The following CENPN variants were observed in gnomAD, a reference collection of about 807,000 sequenced individuals.
CENPN encodes the protein interphase centromere complex protein 32.
CENPN carries 36 observed loss-of-function variants against 48.6 expected under a neutral mutation model. The ratio of observed to expected loss-of-function variants is 0.74; its 90% CI spans 0.57 to 0.98. CENPN has a LOEUF of 0.98. Ranked by LOEUF, CENPN falls within the 50% of genes least tolerant of loss-of-function variation. The probability of loss-of-function intolerance (pLI) is 0.00; values close to 1 mark genes in which losing one functional copy is unlikely to be tolerated. For missense variants in CENPN, 439 were observed against 399.2 expected, an observed-to-expected ratio of 1.10 and a Z score of -0.85; for synonymous variants, 166 against 135.2, an observed-to-expected ratio of 1.23 and a Z score of -1.58.
rs942140005 is a variant in CENPN at position 81,011,999 on chromosome 16, A to G, written c.60A>G (p.Glu20=). Residue 20 remains glutamate, a synonymous_variant, in exon 2 of 11, where the codon GAA becomes GAG. Transcript: ENST00000305850. ...KRTILKIPMN[E]LTTILKAWDF... ...CCATCTTGAAAATCCCCATGAATGA[A>G]CTGACAACAATCCTGAAGGCCTGGG... 60 of 1,613,986 alleles carry G rather than the reference A, an allele frequency of 3.7e-5. No homozygotes were observed. The Admixed American group carries it at 5.3e-4, about 14-fold the overall frequency.
intron 10 of CENPN, 103 bp downstream of exon 10, chr16:81,028,400 C>G: frequency 6.7e-7 from 1 of 1,499,726 alleles, no homozygotes; most frequent in Non-Finnish European, 9.2e-7. Flanking sequence ...TCACCCTAGT[C>G]TGCTAGCCCA....
Position 81,023,401 on chromosome 16 carries a change from T to C in CENPN, c.633+703T>C, listed in dbSNP as rs551049082. 3.3e-3 allele frequency: 517 copies of C among 156,368 alleles called. 1 individual carries two copies. The highest frequency in any genetic ancestry group is 5.7e-3 in the Non-Finnish European group (401 of 70,838). 9.7% of individuals were successfully genotyped at this position (156,368 alleles called of 1,614,324 possible). On this transcript the variant is annotated intron_variant, in intron 7 of 10. Coordinates refer to ENST00000305850, the MANE Select transcript of CENPN (RefSeq NM_001100624.3). ...AGGAAAAACTAACATTAAGAAGTTA[T>C]ATCATGAGGCCAGGCACAGTGGTTC...
chr16:81,013,646 G>T (rs986833715), intron 2 of CENPN, among the ~76,000 whole-genome samples: 2 of 152,114 alleles, frequency 1.3e-5, no homozygotes, highest in Admixed American at 6.6e-5. Flanking sequence ...ACTTGAAACT[G>T]GGAGACAAAG....
At chr16:81,024,634 A>G in intron 7 of CENPN, 81 bp from the exon 8 acceptor site, 1 of 887,244 alleles carries the variant, frequency 1.1e-6, no homozygotes, top group South Asian at 1.6e-5. Flanking sequence ...CATTTGACAT[A>G]CTTTAATATA....
At chr16:81,032,848 C>G, downstream of CENPN, 1 of 787,034 alleles carries the variant, frequency 1.3e-6, no homozygotes, top group East Asian at 2.7e-5. Flanking sequence ...CTTGGATGTG[C>G]ACTGACTTGA....
At chr16:81,032,171 G>C (rs1970802627), downstream of CENPN, among the ~76,000 whole-genome samples, 1 of 152,132 alleles carries the variant, frequency 6.6e-6, no homozygotes, top group African/African-American at 2.4e-5. Context: ...CTTACTAAAA[G>C]AAACACAGTT....
In CENPN at chr16:81,012,074, G is replaced by C; in HGVS notation, c.135G>C (p.Lys45Asn). 2 of 1,614,132 alleles carry C rather than the reference G, an allele frequency of 1.2e-6. No individual in the cohort carries two copies. The highest frequency in any genetic ancestry group is 8.5e-7 in the Non-Finnish European group (1 of 1,180,010). The change falls in exon 2 of 11, where the codon AAG becomes AAC. Residue 45 changes from lysine to asparagine, a missense_variant. Coordinates refer to ENST00000305850, the MANE Select transcript of CENPN (RefSeq NM_001100624.3). ...AGACTGTAAATTTCCGACAGAGAAAGGAATCTGTAGTTCAGCACTTGATCC... is the reference window on the plus strand; with the variant it reads ...AGACTGTAAATTTCCGACAGAGAAACGAATCTGTAGTTCAGCACTTGATCC... ...QLQTVNFRQR[K>N]ESVVQHLIHL... is the part of the protein sequence containing the mutation.
At chr16:81,015,971 C>T (rs1413731195) in intron 3 of CENPN, among the ~76,000 whole-genome samples, 2 of 150,114 alleles carry the variant, frequency 1.3e-5, no homozygotes, top group East Asian at 2.0e-4. Context: ...CACCACTGCA[C>T]TCCAGCCTGG....
chr16:81,017,491 C>G (rs993100370), intron 4 of CENPN, 106 bp downstream of exon 4: 2 of 773,668 alleles, frequency 2.6e-6, no homozygotes, highest in African/African-American at 3.5e-5. Context: ...GCCTGGGTAA[C>G]AGAGCAAGAC....
chr16:81,029,765 G>A lies in CENPN; in HGVS notation c.*1114G>A, dbSNP rs534760866. On this transcript the variant is annotated 3_prime_UTR_variant, in exon 11 of 11. Transcript: ENST00000305850. ...AATTTTTGTATTTTTAGTAGAGACA[G>A]GGTTTCTCCATGTTGCCCAGGCTGA... is the stretch of plus-strand genomic sequence containing the variant. 1.4e-4 allele frequency among the ~76,000 whole-genome samples: 21 copies of A among 152,208 alleles called. No homozygotes were observed. Among genetic ancestry groups the A allele is most frequent in the African/African-American group, 5.1e-4 (21 of 41,520 alleles).
intron 8 of CENPN, among the ~76,000 whole-genome samples, chr16:81,025,895 A>C (rs1456199423): frequency 2.0e-5 from 3 of 150,806 alleles, no homozygotes; most frequent in Non-Finnish European, 4.4e-5. Context: ...TAGACATGGG[A>C]TTTCACTATG....
chr16:81,028,766 TATTGA>T lies in CENPN; in HGVS notation c.*119_*123del. ...AACTTGTATTTTCAAGAATCCTTGG[TATTGA>T]ATTTTTAGAAATGCTCACATAATTG... On this transcript the variant is annotated 3_prime_UTR_variant, in exon 11 of 11. Transcript: ENST00000305850. 6.8e-7 allele frequency: 1 copy of T among 1,463,004 alleles called. No individual in the cohort carries two copies. The highest frequency in any genetic ancestry group is 9.0e-7 in the Non-Finnish European group (1 of 1,111,600). 90.6% of individuals were successfully genotyped at this position (1,463,004 alleles called of 1,614,324 possible).
At chr16:81,018,859 G>A (rs1388747940) in intron 5 of CENPN, among the ~76,000 whole-genome samples, 2 of 152,202 alleles carry the variant, frequency 1.3e-5, no homozygotes, top group East Asian at 3.9e-4. Flanking sequence ...TCAGAGGGAG[G>A]AAACAGAGAC....
At chr16:81,026,141 A>G (rs2911156) in intron 8 of CENPN, among the ~76,000 whole-genome samples, 129,615 of 144,410 alleles carry the variant, frequency 0.9, 58,701 homozygotes, top group East Asian at 0.97. Flanking sequence ...GTATATATAT[A>G]TGTATATATA....
At chr16:81,032,648 A>C (rs767520756), downstream of CENPN, 5 of 1,613,794 alleles carry the variant, frequency 3.1e-6, no homozygotes, top group African/African-American at 1.3e-5. Flanking sequence ...AGCAGCTGGC[A>C]GAAGGACTTG....
chr16:81,032,024 C>A (rs1014134558), downstream of CENPN, among the ~76,000 whole-genome samples: 23 of 152,252 alleles, frequency 1.5e-4, no homozygotes, highest in African/African-American at 5.3e-4. Context: ...CTTTGGCATG[C>A]TGGATGCTTT....
rs1479194409 is a variant in CENPN at position 81,028,683 on chromosome 16, C to T, written c.*32C>T. The stretch of plus-strand genomic sequence containing the variant: ...CGTGGTTTCTTAAGCACAGCTCCTC[C>T]TTCTTGATATTGCACATGCACTTCA... On this transcript the variant is annotated 3_prime_UTR_variant, in exon 11 of 11. Transcript: ENST00000305850. 1.9e-6 allele frequency: 3 copies of T among 1,596,620 alleles called. No homozygotes were observed. The South Asian group carries it at 3.4e-5, about 18-fold the overall frequency.
rs771252295 is a variant in CENPN at position 81,012,089 on chromosome 16, G to C, written c.150G>C (p.Gln50His). The C allele has an allele frequency of 6.2e-6, 10 of 1,614,000 alleles. No homozygotes were observed. In the South Asian group the frequency reaches 8.8e-5, roughly 14 times the overall value. ...NFRQRKESVV[Q>H]HLIHLCEEKR... ...GACAGAGAAAGGAATCTGTAGTTCAGCACTTGATCCATCTGTGTGAGGTAA... is the reference window on the plus strand; with the variant it reads ...GACAGAGAAAGGAATCTGTAGTTCACCACTTGATCCATCTGTGTGAGGTAA... Residue 50 changes from glutamine to histidine, a missense_variant, in exon 2 of 11, where the codon CAG becomes CAC. Gln to His is a conservative substitution (Grantham distance 24). Coordinates refer to ENST00000305850, the MANE Select transcript of CENPN (RefSeq NM_001100624.3).
chr16:81,023,284 T>C, intron 7 of CENPN: 1 of 186,082 alleles, frequency 5.4e-6, no homozygotes. Context: ...GCTCTGTGTA[T>C]ATCTTTGAGC....
Sources: gnomAD v4.1 joint callset for allele counts (sites outside exome capture counted in the v4.1 genomes callset) on GRCh38, gnomAD v4.1.1 for gene constraint, MANE v1.5 for transcripts, NCBI Gene and HGNC (gene_info 2026-07-23, HGNC 2026-07-21) for gene names.